The following ARK2C variants were observed in gnomAD, a reference collection of about 807,000 sequenced individuals.
The protein encoded by ARK2C is arkadia (RNF111) C-terminal like ring finger ubiquitin ligase 2C, also known as E3 ubiquitin-protein ligase ARK2C.
chr18:46,387,234 A>G, the ARK2C span, among the ~76,000 whole-genome samples: 1 of 152,124 alleles, frequency 6.6e-6, no homozygotes, highest in Non-Finnish European at 1.5e-5. Context: ...GGCATGCATA[A>G]AAAAAGGCAG....
the ARK2C span, among the ~76,000 whole-genome samples, chr18:46,417,399 C>T: frequency 3.3e-5 from 5 of 152,250 alleles, no homozygotes; most frequent in African/African-American, 9.6e-5. Context: ...ACCTAAACTC[C>T]TACCACTCAA....
chr18:46,459,844 C>A, the ARK2C span: 678 of 152,860 alleles, frequency 4.4e-3, 9 homozygotes, highest in Admixed American at 6.6e-3. Flanking sequence ...TCCTGCTCAA[C>A]TCAAGGGACT....
At chr18:46,408,435 C>G in the ARK2C span, among the ~76,000 whole-genome samples, 1 of 152,184 alleles carries the variant, frequency 6.6e-6, no homozygotes. Context: ...CTGGAGGCAG[C>G]AGAATGTCCA....
chr18:46,449,793 T>G, the ARK2C span, among the ~76,000 whole-genome samples: 4 of 152,142 alleles, frequency 2.6e-5, no homozygotes, highest in Admixed American at 1.3e-4. Context: ...GTGAGTCAAT[T>G]AAACCTCCTT....
At chr18:46,437,232 A>G in the ARK2C span, among the ~76,000 whole-genome samples, 1 of 151,760 alleles carries the variant, frequency 6.6e-6, no homozygotes, top group Non-Finnish European at 1.5e-5. Flanking sequence ...CCACTTCCCA[A>G]GTAGGATGCT....
At chr18:46,435,291 G>A in the ARK2C span, 12 of 1,613,820 alleles carry the variant, frequency 7.4e-6, no homozygotes, top group East Asian at 4.5e-5. Context: ...TGGTGCAGGC[G>A]GAGTCAGGAG....
the ARK2C span, among the ~76,000 whole-genome samples, chr18:46,391,218 A>G: frequency 1.4e-3 from 212 of 152,286 alleles, no homozygotes; most frequent in Admixed American, 3.0e-3. Context: ...TTCATTTCAC[A>G]TGAGTGATCT....
At chr18:46,365,908 G>T in the ARK2C span, among the ~76,000 whole-genome samples, 14 of 152,120 alleles carry the variant, frequency 9.2e-5, no homozygotes, top group African/African-American at 3.4e-4. Context: ...AAACATGGGG[G>T]TCACTCAGAA....
chr18:46,402,820 G>C, the ARK2C span, among the ~76,000 whole-genome samples: 1 of 152,142 alleles, frequency 6.6e-6, no homozygotes, highest in Non-Finnish European at 1.5e-5. Context: ...TTTTATTTGT[G>C]AACTCTGGAA....
the ARK2C span, among the ~76,000 whole-genome samples, chr18:46,383,840 C>T: frequency 2.9e-3 from 441 of 152,206 alleles, 1 homozygote; most frequent in Middle Eastern, 0.01. Flanking sequence ...CGTGAGCCAC[C>T]GCGCCCGGCC....
the ARK2C span, chr18:46,433,587 C>T: frequency 2.4e-6 from 3 of 1,250,246 alleles, no homozygotes; most frequent in South Asian, 1.6e-5. Context: ...AGGGCCAGGA[C>T]GAGGGCGTGG....
At chr18:46,342,915 GT>G in the ARK2C span, among the ~76,000 whole-genome samples, 4 of 152,166 alleles carry the variant, frequency 2.6e-5, no homozygotes, top group Non-Finnish European at 5.9e-5. Context: ...GAGTGGAGCT[GT>G]AAACACAATA....
chr18:46,420,775 G>A, the ARK2C span, among the ~76,000 whole-genome samples: 1 of 151,846 alleles, frequency 6.6e-6, no homozygotes, highest in Non-Finnish European at 1.5e-5. Flanking sequence ...AACCCAGGAG[G>A]TGGAGGTTGC....
the ARK2C span, among the ~76,000 whole-genome samples, chr18:46,344,609 G>C: frequency 4.3e-4 from 66 of 152,316 alleles, 2 homozygotes; most frequent in South Asian, 0.013. Context: ...GCCTCCACAG[G>C]GGACCTCGGC....
At chr18:46,436,139 T>G in the ARK2C span, among the ~76,000 whole-genome samples, 1 of 152,258 alleles carries the variant, frequency 6.6e-6, no homozygotes, top group East Asian at 1.9e-4. Flanking sequence ...TCAGAACCCT[T>G]GAAAACTTAA....
the ARK2C span, among the ~76,000 whole-genome samples, chr18:46,371,143 A>G: frequency 1.5e-4 from 23 of 152,290 alleles, no homozygotes; most frequent in Admixed American, 1.4e-3. Context: ...GGATCTCATG[A>G]GTCTTATTCA....
At chr18:46,373,964 A>C in the ARK2C span, among the ~76,000 whole-genome samples, 1 of 151,834 alleles carries the variant, frequency 6.6e-6, no homozygotes, top group Non-Finnish European at 1.5e-5. Context: ...GCTGTGTGGC[A>C]CCCATGCTGT....
At chr18:46,365,542 C>T in the ARK2C span, among the ~76,000 whole-genome samples, 2 of 152,154 alleles carry the variant, frequency 1.3e-5, no homozygotes, top group Non-Finnish European at 2.9e-5. Context: ...CTTGCTCTGT[C>T]GCCCAGCCTG....
At chr18:46,362,364 A>T in the ARK2C span, among the ~76,000 whole-genome samples, 1 of 152,222 alleles carries the variant, frequency 6.6e-6, no homozygotes, top group African/African-American at 2.4e-5. Flanking sequence ...CACCCCTAAA[A>T]GGAATAACAG....
Sources: gnomAD v4.1 joint callset for allele counts (sites outside exome capture counted in the v4.1 genomes callset) on GRCh38, gnomAD v4.1.1 for gene constraint, MANE v1.5 for transcripts, NCBI Gene and HGNC (gene_info 2026-07-23, HGNC 2026-07-21) for gene names.